Variants in RFX3 observed in about 807,000 individuals in gnomAD.
RFX3 encodes the protein transcription factor RFX3.
A neutral mutation model predicts 98.6 loss-of-function variants in RFX3; 14 were observed. The observed-to-expected ratio is 0.14, with a 90% confidence interval of 0.09 to 0.22. The LOEUF is 0.22. Among genes scored for constraint, RFX3 ranks in the 10% least tolerant of loss-of-function variants. RFX3 has a pLI of 1.00. For missense variants in RFX3, 639 were observed against 926.9 expected (o/e 0.69, Z 4.03); for synonymous variants, 383 against 328.4 (o/e 1.17, Z -1.80).
At chr9:3,382,615 A>G (rs139484433) in intron 2 of RFX3, among the ~76,000 whole-genome samples, 3 of 152,288 alleles carry the variant, frequency 2.0e-5, no homozygotes, top group African/African-American at 7.2e-5. Context: ...TGTATTTTCT[A>G]GCAATGAGGT....
chr9:3,323,958 C>A (rs1317570892), intron 4 of RFX3: 1 of 404,162 alleles, frequency 2.5e-6, no homozygotes, highest in Non-Finnish European at 5.5e-6. Context: ...ATGGAGACTA[C>A]AAGTCATTCA....
At chr9:3,465,322 ACT>A in intron 1 of RFX3, among the ~76,000 whole-genome samples, 1 of 151,344 alleles carries the variant, frequency 6.6e-6, no homozygotes, top group East Asian at 2.0e-4. Flanking sequence ...ACAGAGTCTC[ACT>A]CTGTTTCCCA....
At chr9:3,251,222 ATAGT>A (rs1166262511) in intron 14 of RFX3, among the ~76,000 whole-genome samples, 1 of 152,252 alleles carries the variant, frequency 6.6e-6, no homozygotes, top group Non-Finnish European at 1.5e-5. Context: ...AGAGAAAAAT[ATAGT>A]TAAATAGCCT....
At chr9:3,318,072 C>G (rs75326836) in intron 4 of RFX3, among the ~76,000 whole-genome samples, 4,630 of 152,276 alleles carry the variant, frequency 0.03, 100 homozygotes, top group Non-Finnish European at 0.047. Context: ...CACATGCACA[C>G]GTATGTTTAC....
At chr9:3,294,362 T>A (rs2920375) in intron 5 of RFX3, among the ~76,000 whole-genome samples, 37,146 of 151,992 alleles carry the variant, frequency 0.24, 6,765 homozygotes, top group African/African-American at 0.52. Flanking sequence ...GACATTTAAC[T>A]TGCAATTCAA....
At chr9:3,354,448 C>A (rs1241301227) in intron 2 of RFX3, among the ~76,000 whole-genome samples, 1 of 151,452 alleles carries the variant, frequency 6.6e-6, no homozygotes, top group Non-Finnish European at 1.5e-5. Context: ...ATGCTAGACC[C>A]AGTAATAAAG....
intron 7 of RFX3, among the ~76,000 whole-genome samples, chr9:3,286,214 C>T (rs1826579722): frequency 6.6e-6 from 1 of 151,902 alleles, no homozygotes; most frequent in African/African-American, 2.4e-5. Context: ...AAAGTAAAGG[C>T]TACAAGTGCT....
intron 7 of RFX3, among the ~76,000 whole-genome samples, chr9:3,280,765 G>A (rs1049400967): frequency 2.0e-5 from 3 of 151,730 alleles, no homozygotes; most frequent in Admixed American, 6.6e-5. Context: ...TGAGAATGGA[G>A]CTTAGGAACT....
At chr9:3,505,149 AAT>A (rs1220324208) in intron 1 of RFX3, among the ~76,000 whole-genome samples, 1 of 97,262 alleles carries the variant, frequency 1.0e-5, no homozygotes, top group Non-Finnish European at 1.8e-5. Context: ...ATATTATATG[AAT>A]ATATGAAATA....
chr9:3,349,274 T>G (rs1354174897), intron 2 of RFX3, among the ~76,000 whole-genome samples: 1 of 152,048 alleles, frequency 6.6e-6, no homozygotes, highest in African/African-American at 2.4e-5. Context: ...AATATCATAT[T>G]ACTAATATTT....
At chr9:3,505,976 C>G (rs891179012) in intron 1 of RFX3, among the ~76,000 whole-genome samples, 1 of 151,810 alleles carries the variant, frequency 6.6e-6, no homozygotes, top group Non-Finnish European at 1.5e-5. Context: ...TTGGCCCCTA[C>G]TTTATGTGCC....
intron 15 of RFX3, among the ~76,000 whole-genome samples, chr9:3,245,689 T>G (rs1025264888): frequency 8.5e-5 from 13 of 152,220 alleles, no homozygotes; most frequent in African/African-American, 2.9e-4. Flanking sequence ...GCAAGACTAT[T>G]ATCTTCATTA....
chr9:3,410,616 G>C (rs1401260586), intron 1 of RFX3, among the ~76,000 whole-genome samples: 1 of 152,130 alleles, frequency 6.6e-6, no homozygotes, highest in Non-Finnish European at 1.5e-5. Flanking sequence ...GTAATGGTTT[G>C]TGTAACAGCT....
At chr9:3,422,206 T>C (rs879846253) in intron 1 of RFX3, among the ~76,000 whole-genome samples, 26 of 152,122 alleles carry the variant, frequency 1.7e-4, no homozygotes, top group Non-Finnish European at 2.9e-5. Context: ...CAATGAACAT[T>C]ATCCCACTCA....
intron 3 of RFX3, among the ~76,000 whole-genome samples, chr9:3,346,398 C>T (rs1834444473): frequency 1.3e-5 from 2 of 152,170 alleles, no homozygotes; most frequent in Middle Eastern, 3.4e-3. Flanking sequence ...GGGGTATATA[C>T]ATTTTTTCTC....
intron 9 of RFX3, among the ~76,000 whole-genome samples, chr9:3,273,722 G>A (rs1312520692): frequency 2.0e-5 from 3 of 151,910 alleles, no homozygotes; most frequent in Non-Finnish European, 2.9e-5. Context: ...AAAGTTAGTG[G>A]GGCGTGGTGG....
At chr9:3,520,150 C>T (rs1355868479) in intron 1 of RFX3, among the ~76,000 whole-genome samples, 1 of 152,082 alleles carries the variant, frequency 6.6e-6, no homozygotes, top group East Asian at 1.9e-4. Context: ...AACTGGTAAA[C>T]TGTAGGACTA....
intron 14 of RFX3, among the ~76,000 whole-genome samples, chr9:3,250,705 G>C (rs550432627): frequency 4.1e-4 from 63 of 151,828 alleles, no homozygotes; most frequent in African/African-American, 1.5e-3. Context: ...TAATCTAGTA[G>C]GATGCTGATT....
chr9:3,480,809 C>A (rs1305013824), intron 1 of RFX3, among the ~76,000 whole-genome samples: 1 of 148,978 alleles, frequency 6.7e-6, no homozygotes, highest in Admixed American at 6.7e-5. Context: ...CCCTGCCTGT[C>A]TTAGAGGAAC....
Sources: allele counts gnomAD v4.1 joint callset (sites outside exome capture counted in the v4.1 genomes callset), GRCh38; gene constraint gnomAD v4.1.1; transcripts MANE v1.5; gene names NCBI Gene and HGNC (gene_info 2026-07-23, HGNC 2026-07-21).